Variants in LRIG2 observed in about 807,000 individuals in gnomAD.
LRIG2 encodes leucine rich repeats and immunoglobulin like domains 2, also known as leucine-rich repeats and immunoglobulin-like domains protein 2.
In LRIG2, 93 loss-of-function variants were observed where a neutral mutation model predicts 107.8. The observed-to-expected ratio is 0.86, with a 90% CI of 0.73 to 1.03. The LOEUF is 1.03. Ranked by LOEUF, LRIG2 falls within the 50% of genes least tolerant of loss-of-function variation. LRIG2 has a pLI of 0.00. For missense variants in LRIG2, 1,226 were observed against 1,296.0 expected (o/e 0.95, Z 0.83); for synonymous variants, 471 against 470.6 (o/e 1.00, Z -0.01).
chr1:113,086,067 C>T (rs1653538170), intron 1 of LRIG2, among the ~76,000 whole-genome samples: 1 of 135,190 alleles, frequency 7.4e-6, no homozygotes, highest in Non-Finnish European at 1.5e-5. Flanking sequence ...TGTGCAGTGG[C>T]ACCATCTTGG....
intron 1 of LRIG2, among the ~76,000 whole-genome samples, chr1:113,082,980 C>G (rs751367850): frequency 5.3e-5 from 8 of 151,198 alleles, no homozygotes; most frequent in Non-Finnish European, 1.0e-4. Flanking sequence ...GCAATCATGG[C>G]TCAGTGCAGC....
In LRIG2 at chr1:113,096,290, G is replaced by C; in HGVS notation, c.1016G>C (p.Arg339Thr). The change falls in exon 8 of 18, where the codon AGA becomes ACA. Residue 339 changes from arginine (R) to threonine (T), a missense_variant. By Grantham distance (71) the Arg-to-Thr change is moderately conservative. This residue lies in a region of LRIG2 where 570 missense variants were observed against 550.2 expected (regional missense o/e 1.04). Coordinates refer to ENST00000361127, the MANE Select transcript of LRIG2 (RefSeq NM_014813.3). ...SAFVGLSLLE[R>T]LNLGDNRVTH... ...TTTGTGGGTCTGAGCTTATTGGAGAGATTGAATTTAGGAGACAACAGAGTC... is the reference window on the plus strand; with the variant it reads ...TTTGTGGGTCTGAGCTTATTGGAGACATTGAATTTAGGAGACAACAGAGTC... 6.2e-7 allele frequency: 1 copy of C among 1,614,194 alleles called. No homozygotes were observed. Among genetic ancestry groups the C allele is most frequent in the Non-Finnish European group, 8.5e-7 (1 of 1,180,016 alleles).
chr1:113,114,152 T>G (rs917329541), intron 14 of LRIG2, among the ~76,000 whole-genome samples: 1 of 152,108 alleles, frequency 6.6e-6, no homozygotes, highest in African/African-American at 2.4e-5. Flanking sequence ...TTTAAGTTAT[T>G]TTTAATCTTT....
chr1:113,109,540 CAG>C (rs1654681782), intron 12 of LRIG2, among the ~76,000 whole-genome samples: 2 of 152,286 alleles, frequency 1.3e-5, no homozygotes, highest in Admixed American at 6.5e-5. Context: ...TTTTTTGAGA[CAG>C]AGTCTCGCTC....
intron 1 of LRIG2, among the ~76,000 whole-genome samples, chr1:113,080,703 C>T (rs983082126): frequency 2.0e-5 from 3 of 152,016 alleles, no homozygotes; most frequent in African/African-American, 7.3e-5. Context: ...AACTATCTTA[C>T]TATATGGTTT....
At chr1:113,080,832 A>G (rs903481251) in intron 1 of LRIG2, among the ~76,000 whole-genome samples, 2 of 149,678 alleles carry the variant, frequency 1.3e-5, no homozygotes, top group South Asian at 2.1e-4. Context: ...TGGGAACACT[A>G]AAAGTTTTTT....
chr1:113,095,779 G>C, intron 6 of LRIG2, 95 bp from the exon 7 acceptor site: 1 of 1,242,152 alleles, frequency 8.1e-7, no homozygotes, highest in Non-Finnish European at 1.2e-6. Context: ...TTGAACAAAG[G>C]TATATGCTTC....
chr1:113,095,903 T>G lies in LRIG2; in HGVS notation c.833T>G (p.Val278Gly). Residue 278 changes from valine to glycine, a missense_variant, in exon 7 of 18, where the codon GTA becomes GGA. Physicochemically the swap from Val to Gly is moderately radical, Grantham distance 109. Transcript: ENST00000361127. ...LELEHNNLTR[V>G]NKGWLYGLRM... ...CTGGAACACAACAACCTTACACGAG[T>G]AAACAAGGGGTGGTTGTATGGCTTG... 1 of 1,614,170 alleles carries G rather than the reference T, an allele frequency of 6.2e-7. No individual in the cohort carries two copies. The highest frequency in any genetic ancestry group is 8.5e-7 in the Non-Finnish European group (1 of 1,180,032).
intron 13 of LRIG2, among the ~76,000 whole-genome samples, chr1:113,110,961 A>G (rs1446579885): frequency 1.3e-5 from 2 of 151,560 alleles, no homozygotes; most frequent in Non-Finnish European, 1.5e-5. Context: ...GGTCATTATC[A>G]TTGTCTAAAT....
chr1:113,101,568 T>G (rs80329723), intron 11 of LRIG2, among the ~76,000 whole-genome samples: 18 of 152,236 alleles, frequency 1.2e-4, no homozygotes, highest in African/African-American at 4.3e-4. Context: ...TGTGACACTT[T>G]TGTTGTAGTT....
intron 14 of LRIG2, among the ~76,000 whole-genome samples, chr1:113,113,362 T>C (rs1654854367): frequency 6.6e-6 from 1 of 151,626 alleles, no homozygotes; most frequent in Non-Finnish European, 1.5e-5. Flanking sequence ...TGTTTGTTTG[T>C]TTTGTTTTTT....
At position 113,130,527 on chromosome 1, in the gene LRIG2, G is replaced by A. The variant is rs1406463643; in HGVS notation, c.*6426G>A. The A allele has an allele frequency of 1.3e-5, 2 of 152,146 alleles. No homozygotes were observed. Among genetic ancestry groups the A allele is most frequent in the Non-Finnish European group, 2.9e-5 (2 of 68,030 alleles). 9.4% of individuals were successfully genotyped at this position (152,146 alleles called of 1,614,324 possible). On this transcript the variant is annotated 3_prime_UTR_variant, in exon 18 of 18. Transcript: ENST00000361127. The stretch of plus-strand genomic sequence containing the variant: ...TGTAGGCTCTTTAGTAAATTTATCT[G>A]ATAATGGAATAATCAGCCTTTTTGG...
At chr1:113,097,148 A>G (rs1050418998) in intron 8 of LRIG2, among the ~76,000 whole-genome samples, 2 of 151,742 alleles carry the variant, frequency 1.3e-5, no homozygotes, top group African/African-American at 4.8e-5. Flanking sequence ...TTTACAGAAT[A>G]TAAGAATGTG....
intron 1 of LRIG2, among the ~76,000 whole-genome samples, chr1:113,081,287 TTAGA>T (rs1190729199): frequency 2.0e-5 from 3 of 152,304 alleles, no homozygotes; most frequent in East Asian, 3.9e-4. Context: ...GCAGCATCCA[TTAGA>T]TAGTTACTAA....
chr1:113,124,185 G>A lies in LRIG2; in HGVS notation c.*84G>A, dbSNP rs947536989. 4 of 1,184,482 alleles carry A rather than the reference G, an allele frequency of 3.4e-6. No homozygotes were observed. The African/African-American group carries it at 6.0e-5, about 18-fold the overall frequency. 73.4% of individuals were successfully genotyped at this position (1,184,482 alleles called of 1,614,324 possible). ...CTCAGAGCTCAGAAGAAACTCCGAA[G>A]TCAGCATTTGCTTTACTCTTTCTTT... On this transcript the variant is annotated 3_prime_UTR_variant, in exon 18 of 18. Coordinates refer to ENST00000361127, the MANE Select transcript of LRIG2 (RefSeq NM_014813.3).
chr1:113,085,687 C>T (rs1252945309), intron 1 of LRIG2, among the ~76,000 whole-genome samples: 1 of 152,178 alleles, frequency 6.6e-6, no homozygotes, highest in Non-Finnish European at 1.5e-5. Flanking sequence ...ACAGAAAAGA[C>T]TCAGATCTCA....
chr1:113,115,811 CCA>C (rs1654982834), intron 15 of LRIG2, among the ~76,000 whole-genome samples: 1 of 152,216 alleles, frequency 6.6e-6, no homozygotes, highest in Non-Finnish European at 1.5e-5. Flanking sequence ...CAAGCGTGAG[CCA>C]CCACGCCCGG....
Position 113,090,762 on chromosome 1 carries a change from C to T in LRIG2, c.240-556C>T, listed in dbSNP as rs544484717. ...CTGAGGCAGGAGAATGGCGTGAACC[C>T]GGGAGGCGGAGCTTGCAGTGAGCCG... On this transcript the variant is annotated intron_variant, in intron 1 of 17. Transcript: ENST00000361127. 2.3e-3 allele frequency among the ~76,000 whole-genome samples: 347 copies of T among 151,578 alleles called. 2 individuals carry two copies. The highest frequency in any genetic ancestry group is 7.9e-3 in the African/African-American group (325 of 41,390).
At chr1:113,084,999 T>C (rs751399110) in intron 1 of LRIG2, among the ~76,000 whole-genome samples, 6 of 152,226 alleles carry the variant, frequency 3.9e-5, no homozygotes, top group Non-Finnish European at 5.9e-5. Context: ...ATCCAAATTA[T>C]TGATTTCATG....
Sources: allele counts gnomAD v4.1 joint callset (sites outside exome capture counted in the v4.1 genomes callset), GRCh38; gene constraint gnomAD v4.1.1; regional missense constraint gnomAD v4.1.1; transcripts MANE v1.5; gene names NCBI Gene and HGNC (gene_info 2026-07-23, HGNC 2026-07-21).